Variants in KCTD2 observed in about 807,000 individuals in gnomAD.
KCTD2 encodes potassium channel tetramerization domain containing 2.
In KCTD2, 18 loss-of-function variants were observed where a neutral mutation model predicts 27.9. The ratio of observed to expected loss-of-function variants is 0.64; its 90% CI spans 0.45 to 0.96. KCTD2 has a LOEUF of 0.96. KCTD2 is among the 40% of genes least tolerant of loss of function. The probability of loss-of-function intolerance (pLI) is 0.00; values close to 1 mark genes in which losing one functional copy is unlikely to be tolerated. For missense variants in KCTD2, 280 were observed against 348.0 expected (o/e 0.80, Z 1.56); for synonymous variants, 175 against 148.4 (o/e 1.18, Z -1.30).
At chr17:75,049,370 A>G (rs941016262) in intron 2 of KCTD2, 42 bp downstream of exon 2, 3 of 1,216,408 alleles carry the variant, frequency 2.5e-6, no homozygotes, top group Non-Finnish European at 3.6e-6. Context: ...AAATGCAAGT[A>G]GAATCTTTAA....
intron 3 of KCTD2, chr17:75,040,360 A>G (rs1295395582): frequency 8.1e-6 from 5 of 618,694 alleles, no homozygotes; most frequent in Non-Finnish European, 1.4e-5. Flanking sequence ...TTAGACTGGG[A>G]ACAGGAGCTC....
intron 2 of KCTD2, among the ~76,000 whole-genome samples, chr17:75,052,046 T>C (rs1000785777): frequency 6.6e-6 from 1 of 151,714 alleles, no homozygotes; most frequent in Non-Finnish European, 1.5e-5. Flanking sequence ...TGAGGGCAGA[T>C]TGGACAAAAA....
intron 5 of KCTD2, 65 bp from the exon 6 acceptor site, chr17:75,062,953 G>C: frequency 3.8e-6 from 6 of 1,563,516 alleles, no homozygotes; most frequent in Non-Finnish European, 5.3e-6. Flanking sequence ...CCAGTGGAAA[G>C]CATCCCCCGA....
chr17:75,047,612 C>T (rs1334704563), intron 1 of KCTD2, 23 bp downstream of exon 1: 1 of 1,594,406 alleles, frequency 6.3e-7, no homozygotes, highest in Middle Eastern at 1.7e-4. Flanking sequence ...CTCGGGCGCG[C>T]CCCCGGGCCT....
chr17:75,049,266 G>T lies in KCTD2; in HGVS notation c.386G>T (p.Gly129Val), dbSNP rs1427409053. ...YLIDRDPTYF[G>V]PILNYLRHGK... ...ATTGACAGGGACCCCACCTACTTTG[G>T]TCCTATCCTCAACTACCTCCGCCAC... is the stretch of plus-strand genomic sequence containing the variant. Residue 129 changes from glycine to valine, a missense_variant, in exon 2 of 6, where the codon GGT (glycine) becomes GTT (valine). Transcript: ENST00000322444. 1.2e-6 allele frequency: 2 copies of T among 1,613,938 alleles called. No homozygotes were observed. The highest frequency in any genetic ancestry group is 2.2e-5 in the East Asian group (1 of 44,884).
intron 3 of KCTD2, chr17:75,042,106 T>C: frequency 7.7e-7 from 1 of 1,298,946 alleles, no homozygotes; most frequent in Non-Finnish European, 1.1e-6. Flanking sequence ...ATGCTGTGTA[T>C]GTAATTATCC....
At position 75,065,402 on chromosome 17, in the gene KCTD2, C is replaced by T. The variant is rs1350408405; in HGVS notation, c.*2355C>T. ...GTCTGGCTGATCACATCAGAGAGGT[C>T]TGCGTGGCAGTTTGGGGCTGTCACG... On this transcript the variant is annotated 3_prime_UTR_variant, in exon 6 of 6. Transcript: ENST00000322444. 6.6e-6 allele frequency: 1 copy of T among 152,176 alleles called. No homozygotes were observed. The highest frequency in any genetic ancestry group is 2.4e-5 in the African/African-American group (1 of 41,422). The allele number at this position is 152,176 out of a possible 1,614,324, so 9.4% of individuals were successfully genotyped here.
upstream of KCTD2, among the ~76,000 whole-genome samples, chr17:75,043,485 C>A (rs1307874553): frequency 6.6e-6 from 1 of 151,942 alleles, no homozygotes; most frequent in Non-Finnish European, 1.5e-5. Context: ...TGATGGCATG[C>A]ACCTGTAGTC....
chr17:75,035,376 C>T (rs1352996719), intron 3 of KCTD2: 1 of 152,152 alleles, frequency 6.6e-6, no homozygotes, highest in Non-Finnish European at 1.5e-5. Flanking sequence ...GGCCCCATTT[C>T]TTGTTGTCTC....
intron 3 of KCTD2, among the ~76,000 whole-genome samples, chr17:75,057,722 G>A (rs1052154112): frequency 6.6e-6 from 1 of 151,754 alleles, no homozygotes; most frequent in Non-Finnish European, 1.5e-5. Context: ...ACCTCACCTG[G>A]CTAATTTTTT....
At chr17:75,061,463 T>C (rs1450349912) in intron 4 of KCTD2, among the ~76,000 whole-genome samples, 3 of 152,086 alleles carry the variant, frequency 2.0e-5, no homozygotes, top group Non-Finnish European at 4.4e-5. Flanking sequence ...CTGGGCAACA[T>C]AGCGAGACCC....
At chr17:75,055,563 G>A (rs2073340838) in intron 3 of KCTD2, among the ~76,000 whole-genome samples, 1 of 151,656 alleles carries the variant, frequency 6.6e-6, no homozygotes, top group Non-Finnish European at 1.5e-5. Flanking sequence ...GCCGGGCGTG[G>A]TGGCTCATGC....
chr17:75,035,475 A>G (rs956176137), intron 3 of KCTD2: 29 of 152,234 alleles, frequency 1.9e-4, no homozygotes, highest in Admixed American at 1.1e-3. Flanking sequence ...AGCAAATGAC[A>G]CGGAGCGGGT....
chr17:75,040,041 G>T (rs754101499), intron 3 of KCTD2: 2 of 1,584,262 alleles, frequency 1.3e-6, no homozygotes, highest in East Asian at 4.5e-5. Context: ...ATAATAGAGA[G>T]CTGTCAAGAT....
chr17:75,033,586 G>A (rs1309379139), intron 1 of KCTD2, among the ~76,000 whole-genome samples: 6 of 152,070 alleles, frequency 3.9e-5, no homozygotes, highest in Non-Finnish European at 2.9e-5. Context: ...CTGTAGAGGC[G>A]GACAGCAAGG....
chr17:75,053,786 C>A (rs2073318215), intron 3 of KCTD2, among the ~76,000 whole-genome samples: 1 of 149,618 alleles, frequency 6.7e-6, no homozygotes, highest in Non-Finnish European at 1.5e-5. Flanking sequence ...GTGATCGAGT[C>A]ACATGCAGCT....
intron 2 of KCTD2, among the ~76,000 whole-genome samples, chr17:75,052,036 T>C (rs1017931158): frequency 1.3e-5 from 2 of 152,072 alleles, no homozygotes; most frequent in Non-Finnish European, 2.9e-5. Context: ...CCAGTCCTTT[T>C]GAGGGCAGAT....
chr17:75,058,879 C>T (rs1280852818), intron 3 of KCTD2, among the ~76,000 whole-genome samples: 5 of 151,826 alleles, frequency 3.3e-5, no homozygotes, highest in Non-Finnish European at 7.4e-5. Context: ...GGGTGGATCA[C>T]GAGGTCAGGA....
intron 3 of KCTD2, among the ~76,000 whole-genome samples, chr17:75,058,324 CAAAAAAAAAAAAGG>C (rs1458725193): frequency 9.1e-6 from 1 of 110,232 alleles, no homozygotes; most frequent in African/African-American, 3.5e-5. Context: ...GAGACTCTCT[CAAAAAAAAAAAAGG>C]AAAAAAAAAT....
Sources: allele counts gnomAD v4.1 joint callset (sites outside exome capture counted in the v4.1 genomes callset), GRCh38; gene constraint gnomAD v4.1.1; transcripts MANE v1.5; gene names NCBI Gene and HGNC (gene_info 2026-07-23, HGNC 2026-07-21).